Variants in TTLL7 observed in about 807,000 individuals in gnomAD.
TTLL7 encodes tubulin polyglutamylase TTLL7.
Under a neutral mutation model 120.2 loss-of-function variants are expected in TTLL7, and 53 were observed. That is an observed-to-expected ratio of 0.44 (90% CI 0.35 to 0.55). The LOEUF is 0.55. Ranked by LOEUF, TTLL7 falls within the 20% of genes least tolerant of loss-of-function variation. TTLL7 has a pLI of 0.00. For missense variants in TTLL7, 803 were observed against 1,054.7 expected (o/e 0.76, Z 3.31); for synonymous variants, 353 against 351.7 (o/e 1.00, Z -0.04).
intron 10 of TTLL7, 79 bp from the exon 11 acceptor site, chr1:83,921,473 C>T: frequency 6.7e-7 from 1 of 1,483,126 alleles, no homozygotes; most frequent in South Asian, 1.3e-5. Context: ...ATTTGCAGAA[C>T]AGGAGACATA....
chr1:83,921,470 G>A (rs1403848492), intron 10 of TTLL7, 76 bp from the exon 11 acceptor site: 2 of 1,497,660 alleles, frequency 1.3e-6, no homozygotes, highest in Non-Finnish European at 1.8e-6. Flanking sequence ...AGAATTTGCA[G>A]AACAGGAGAC....
intron 13 of TTLL7, among the ~76,000 whole-genome samples, chr1:83,919,180 G>C (rs185948493): frequency 3.0e-4 from 45 of 152,014 alleles, no homozygotes; most frequent in Admixed American, 6.6e-4. Context: ...CGATTGCAGA[G>C]TAATGAGCAA....
At chr1:83,885,963 G>T (rs1374194732) in intron 19 of TTLL7, among the ~76,000 whole-genome samples, 1 of 151,888 alleles carries the variant, frequency 6.6e-6, no homozygotes, top group Admixed American at 6.6e-5. Context: ...GAATTCAAAA[G>T]GAAAAATTAA....
chr1:83,883,195 T>TCC, intron 19 of TTLL7, 59 bp from the exon 20 acceptor site: 19 of 1,407,782 alleles, frequency 1.3e-5, no homozygotes, highest in Non-Finnish European at 1.7e-5. Context: ...CAACCAGCTA[T>TCC]ATATCACTTC....
intron 20 of TTLL7, among the ~76,000 whole-genome samples, chr1:83,878,104 AC>A (rs1654098432): frequency 1.3e-5 from 2 of 151,624 alleles, no homozygotes; most frequent in East Asian, 3.9e-4. Flanking sequence ...ATACTTTTTG[AC>A]TATATTTTTC....
At chr1:83,963,137 T>C (rs1650153611) in intron 1 of TTLL7, among the ~76,000 whole-genome samples, 1 of 152,096 alleles carries the variant, frequency 6.6e-6, no homozygotes. Context: ...AAGCATAAGC[T>C]TTAGGTGGAG....
intron 14 of TTLL7, among the ~76,000 whole-genome samples, chr1:83,911,638 G>A (rs911567226): frequency 6.6e-6 from 1 of 151,326 alleles, no homozygotes; most frequent in South Asian, 2.1e-4. Context: ...CATAAACAAA[G>A]AATAACAAAA....
At chr1:83,870,671 G>A (rs1412593300) in intron 20 of TTLL7, among the ~76,000 whole-genome samples, 1 of 152,124 alleles carries the variant, frequency 6.6e-6, no homozygotes, top group Non-Finnish European at 1.5e-5. Flanking sequence ...AGCACTTTGG[G>A]AGGCTGAGGC....
At chr1:83,881,653 G>T (rs1654485085) in intron 20 of TTLL7, among the ~76,000 whole-genome samples, 1 of 151,156 alleles carries the variant, frequency 6.6e-6, no homozygotes, top group African/African-American at 2.4e-5. Flanking sequence ...CTGTAAACTA[G>T]TTCAACCATT....
At chr1:83,902,569 A>C (rs994053452) in intron 18 of TTLL7, among the ~76,000 whole-genome samples, 8 of 151,950 alleles carry the variant, frequency 5.3e-5, no homozygotes, top group African/African-American at 2.4e-5. Context: ...CTTCAAGGAC[A>C]CCCAGTTCTC....
At chr1:83,873,842 C>T (rs1360003457) in intron 20 of TTLL7, among the ~76,000 whole-genome samples, 4 of 152,050 alleles carry the variant, frequency 2.6e-5, no homozygotes, top group African/African-American at 9.7e-5. Context: ...TTTTCCTCTT[C>T]CTGGAGTTAA....
intron 10 of TTLL7, among the ~76,000 whole-genome samples, chr1:83,928,005 GA>G (rs1245076687): frequency 6.6e-6 from 1 of 152,102 alleles, no homozygotes; most frequent in Admixed American, 6.6e-5. Context: ...GAAAGATAAA[GA>G]AAATGAATTT....
intron 1 of TTLL7, among the ~76,000 whole-genome samples, chr1:83,996,947 A>G (rs1018917708): frequency 6.6e-6 from 1 of 152,038 alleles, no homozygotes; most frequent in Non-Finnish European, 1.5e-5. Flanking sequence ...TTAGGATTAA[A>G]CAGATTGGAT....
At chr1:83,985,221 G>A (rs1438832350) in intron 1 of TTLL7, among the ~76,000 whole-genome samples, 2 of 152,154 alleles carry the variant, frequency 1.3e-5, no homozygotes, top group Non-Finnish European at 2.9e-5. Context: ...TGTGGCCAGA[G>A]GCCCAAAAAC....
chr1:83,926,717 G>A (rs1190517762), intron 10 of TTLL7, among the ~76,000 whole-genome samples: 4 of 152,150 alleles, frequency 2.6e-5, no homozygotes, highest in Non-Finnish European at 4.4e-5. Flanking sequence ...CCATGAGTTA[G>A]TTGTAAATAA....
At chr1:83,966,570 A>G (rs1322213669) in intron 1 of TTLL7, among the ~76,000 whole-genome samples, 1 of 152,078 alleles carries the variant, frequency 6.6e-6, no homozygotes, top group African/African-American at 2.4e-5. Flanking sequence ...GCCTAAACTA[A>G]GCATGCCAGA....
intron 6 of TTLL7, among the ~76,000 whole-genome samples, chr1:83,943,670 G>A (rs896951801): frequency 1.2e-4 from 18 of 152,170 alleles, no homozygotes; most frequent in African/African-American, 4.3e-4. Context: ...TTGCGTAGAG[G>A]GGGAGAGTCT....
At chr1:83,898,491 A>C (rs1006155124) in intron 18 of TTLL7, among the ~76,000 whole-genome samples, 1 of 152,048 alleles carries the variant, frequency 6.6e-6, no homozygotes, top group African/African-American at 2.4e-5. Flanking sequence ...CTGTCTCATG[A>C]GATGTCTACT....
At chr1:83,933,267 G>C (rs562955032) in intron 9 of TTLL7, among the ~76,000 whole-genome samples, 2 of 152,254 alleles carry the variant, frequency 1.3e-5, no homozygotes, top group African/African-American at 4.8e-5. Flanking sequence ...AGAGAGGAGA[G>C]ACACTATCCA....
Sources: allele counts gnomAD v4.1 joint callset (sites outside exome capture counted in the v4.1 genomes callset), GRCh38; gene constraint gnomAD v4.1.1; transcripts MANE v1.5; gene names NCBI Gene and HGNC (gene_info 2026-07-23, HGNC 2026-07-21).